NUDT4: variants seen among roughly 807,000 people sequenced by gnomAD.
NUDT4 encodes diphosphoinositol polyphosphate phosphohydrolase 2.
A neutral mutation model predicts 23.1 loss-of-function variants in NUDT4; 5 were observed. The observed-to-expected ratio is 0.22, with a 90% CI of 0.11 to 0.46. NUDT4 has a LOEUF of 0.46. Among genes scored for constraint, NUDT4 ranks in the 20% least tolerant of loss-of-function variants. The pLI, the probability that NUDT4 is intolerant of heterozygous loss-of-function variation, is 0.99. For missense variants in NUDT4, 96 were observed against 211.6 expected (o/e 0.45, Z 3.39); for synonymous variants, 50 against 79.0 (o/e 0.63, Z 1.95).
rs1482701162 is a variant in NUDT4 at position 93,402,668 on chromosome 12, AATAGT to A, written c.*3297_*3301del. 3.3e-5 allele frequency: 5 copies of A among 152,304 alleles called. No homozygotes were observed. The South Asian group carries it at 8.3e-4, about 25-fold the overall frequency. 9.4% of individuals were successfully genotyped at this position (152,304 alleles called of 1,614,324 possible). A position where few individuals can be genotyped will look rare whatever the true frequency, so the allele number is the denominator to read the frequency against. On this transcript the variant is annotated 3_prime_UTR_variant, in exon 5 of 5. Coordinates refer to ENST00000415493, the MANE Select transcript of NUDT4 (RefSeq NM_019094.6). ...TTTTCAGTCTCAATGTTGCCAGTCT[AATAGT>A]ATAGTATGTGGTTGCTTTACTGCTG...
Position 93,394,248 on chromosome 12 carries a change from C to T in NUDT4, c.100-361C>T, listed in dbSNP as rs190999763. On this transcript the variant is annotated intron_variant, in intron 1 of 4. Coordinates refer to ENST00000415493, the MANE Select transcript of NUDT4 (RefSeq NM_019094.6). ...CGATCTCCTGACCTCTTGATCCGCC[C>T]GCCTCGGCCTCCCAGAGTGCTGGGA... is the stretch of plus-strand genomic sequence containing the variant. Among the ~76,000 whole-genome samples the T allele has an allele frequency of 1.3e-4, 20 of 152,288 alleles. No homozygotes were observed. The South Asian group carries it at 1.5e-3, about 11-fold the overall frequency.
In NUDT4 at chr12:93,407,341, G is replaced by A. The variant is rs1253245338; in HGVS notation, c.*7962G>A. On this transcript the variant is annotated 3_prime_UTR_variant, in exon 5 of 5. Coordinates refer to ENST00000415493, the MANE Select transcript of NUDT4 (RefSeq NM_019094.6). ...GTCCCCCTTCCCCATTAGAGTATAT[G>A]GTCCCCAAAGGAAAGCCCCATGCCA... 6.6e-6 allele frequency: 1 copy of A among 152,170 alleles called. No homozygotes were observed. The highest frequency in any genetic ancestry group is 2.1e-4 in the South Asian group (1 of 4,830). 9.4% of individuals were successfully genotyped at this position (152,170 alleles called of 1,614,324 possible). A position where few individuals can be genotyped will look rare whatever the true frequency, so the allele number is the denominator to read the frequency against.
Position 93,406,379 on chromosome 12 carries a change from G to C in NUDT4, c.*7000G>C, listed in dbSNP as rs1235863411. ...CTCGATCCAATTTAGTTCCACTTAG[G>C]TCACTGTGTTTATAATGTCTTTTAG... On this transcript the variant is annotated 3_prime_UTR_variant, in exon 5 of 5. Transcript: ENST00000415493. 1.3e-5 allele frequency: 2 copies of C among 150,164 alleles called. No homozygotes were observed. Among genetic ancestry groups the C allele is most frequent in the Non-Finnish European group, 2.9e-5 (2 of 67,850 alleles). 9.3% of individuals were successfully genotyped at this position (150,164 alleles called of 1,614,324 possible). A position where few individuals can be genotyped will look rare whatever the true frequency, so the allele number is the denominator to read the frequency against.
rs118055498 is a variant in NUDT4, at chr12:93,392,253, C to T, written c.100-2356C>T. ...AAATATTCCTTTGTTTCCCCCCCCCCCTTTTTTTTTTCCTTTTTTTGAGAC... is the reference window on the plus strand; with the variant it reads ...AAATATTCCTTTGTTTCCCCCCCCCTCTTTTTTTTTTCCTTTTTTTGAGAC... On this transcript the variant is annotated intron_variant, in intron 1 of 4. Transcript: ENST00000415493. Among the ~76,000 whole-genome samples the T allele has an allele frequency of 2.2e-4, 31 of 137,806 alleles. 1 individual carries two copies. Among genetic ancestry groups the T allele is most frequent in the Middle Eastern group, 3.7e-3 (1 of 270 alleles). The allele number at this position is 137,806 out of a possible 152,430, so 90.4% of individuals were successfully genotyped here.
rs1877656499 is a variant in NUDT4 at position 93,404,064 on chromosome 12, G to A, written c.*4685G>A. On this transcript the variant is annotated 3_prime_UTR_variant, in exon 5 of 5. Transcript: ENST00000415493. The stretch of plus-strand genomic sequence containing the variant: ...ATATGTAGACTCCCACTCTCCTGAT[G>A]CTAATCAGTATCAGACAATGGAAGT... 6.6e-6 allele frequency: 1 copy of A among 152,164 alleles called. No homozygotes were observed. The highest frequency in any genetic ancestry group is 2.4e-5 in the African/African-American group (1 of 41,438). 9.4% of individuals were successfully genotyped at this position (152,164 alleles called of 1,614,324 possible). A position where few individuals can be genotyped will look rare whatever the true frequency, so the allele number is the denominator to read the frequency against.
In NUDT4 at chr12:93,402,661, C is replaced by G. The variant is rs1877544267; in HGVS notation, c.*3282C>G. 6.6e-6 allele frequency: 1 copy of G among 152,116 alleles called. No individual in the cohort carries two copies. Among genetic ancestry groups the G allele is most frequent in the Non-Finnish European group, 1.5e-5 (1 of 68,020 alleles). The allele number at this position is 152,116 out of a possible 1,614,324, so 9.4% of individuals were successfully genotyped here. A position where few individuals can be genotyped will look rare whatever the true frequency, so the allele number is the denominator to read the frequency against. ...ATGGATATTTTCAGTCTCAATGTTG[C>G]CAGTCTAATAGTATAGTATGTGGTT... On this transcript the variant is annotated 3_prime_UTR_variant, in exon 5 of 5. Transcript: ENST00000415493.
intron 1 of NUDT4, chr12:93,385,011 T>A (rs983880988): frequency 1.3e-5 from 2 of 152,182 alleles, no homozygotes; most frequent in Non-Finnish European, 2.9e-5. Context: ...GGTCTCTTAC[T>A]CCTGACCTCG....
chr12:93,378,802 A>C (rs1478874363), intron 1 of NUDT4: 20 of 1,000,688 alleles, frequency 2.0e-5, no homozygotes, highest in Non-Finnish European at 2.1e-5. Context: ...TGAGTGTTGC[A>C]GCAGAGCCCT....
rs527903015 is a variant in NUDT4, at chr12:93,393,930, T to G, written c.100-679T>G. 2.0e-5 allele frequency among the ~76,000 whole-genome samples: 3 copies of G among 152,348 alleles called. No individual in the cohort carries two copies. The South Asian group carries it at 6.2e-4, about 32-fold the overall frequency. The stretch of plus-strand genomic sequence containing the variant: ...CCTACCTATGGTCATTTCCTTAAAT[T>G]TGGAATATTCCATAACTAAATAAAC... On this transcript the variant is annotated intron_variant, in intron 1 of 4. Transcript: ENST00000415493.
At chr12:93,379,564 A>G (rs938247034) in intron 1 of NUDT4, among the ~76,000 whole-genome samples, 3 of 151,648 alleles carry the variant, frequency 2.0e-5, no homozygotes, top group Middle Eastern at 6.8e-3. Context: ...TTGCCCTTCA[A>G]ACCCTTGTTT....
chr12:93,404,923 A>ATTTT lies in NUDT4; in HGVS notation c.*5544_*5545insTTTT, dbSNP rs1877722513. On this transcript the variant is annotated 3_prime_UTR_variant, in exon 5 of 5. Transcript: ENST00000415493. ...ATGTTTTAGGTTTTTTTTTTTTTAA[A>ATTTT]AAAAATACTATGCCCATTTGTTTAC... 1.4e-5 allele frequency: 2 copies of ATTTT among 140,970 alleles called. No individual in the cohort carries two copies. Among genetic ancestry groups the ATTTT allele is most frequent in the African/African-American group, 5.2e-5 (2 of 38,690 alleles). The allele number at this position is 140,970 out of a possible 1,614,324, so 8.7% of individuals were successfully genotyped here. A position where few individuals can be genotyped will look rare whatever the true frequency, so the allele number is the denominator to read the frequency against.
At position 93,404,404 on chromosome 12, in the gene NUDT4, C is replaced by A. The variant is rs1033669975; in HGVS notation, c.*5025C>A. On this transcript the variant is annotated 3_prime_UTR_variant, in exon 5 of 5. Transcript: ENST00000415493. ...CTGAGTGGAAACTGATACAGCCTGT[C>A]GGAGAGCTACTGAGTAGTATTTTAT... The A allele has an allele frequency of 6.6e-6, 1 of 152,196 alleles. No homozygotes were observed. The highest frequency in any genetic ancestry group is 2.4e-5 in the African/African-American group (1 of 41,450). The allele number at this position is 152,196 out of a possible 1,614,324, so 9.4% of individuals were successfully genotyped here. A position where few individuals can be genotyped will look rare whatever the true frequency, so the allele number is the denominator to read the frequency against.
intron 1 of NUDT4, among the ~76,000 whole-genome samples, chr12:93,383,126 G>GA (rs1366909894): frequency 2.7e-5 from 4 of 145,536 alleles, no homozygotes; most frequent in African/African-American, 1.0e-4. Flanking sequence ...TTCTCTAATT[G>GA]AAAAAAAGCT....
At position 93,394,721 on chromosome 12, in the gene NUDT4, T is replaced by C; in HGVS notation, c.210+2T>C. On this transcript the variant is annotated splice_donor_variant, in intron 2 of 4. Coordinates refer to ENST00000415493, the MANE Select transcript of NUDT4 (RefSeq NM_019094.6). LOFTEE classifies it high-confidence loss of function. ...GCCGTGAGGGAAGTTTATGAGGAGG[T>C]GAGATGTTCTTTCACACAAATTCTG... 2 of 1,525,234 alleles carry C rather than the reference T, an allele frequency of 1.3e-6. No homozygotes were observed. Among genetic ancestry groups the C allele is most frequent in the South Asian group, 1.2e-5 (1 of 83,556 alleles). 94.5% of individuals were successfully genotyped at this position (1,525,234 alleles called of 1,614,324 possible). A position where few individuals can be genotyped will look rare whatever the true frequency, so the allele number is the denominator to read the frequency against.
At chr12:93,383,789 G>GCCACTGCACTCCAGCCTGGGCGACAGAGC (rs1875865243) in intron 1 of NUDT4, among the ~76,000 whole-genome samples, 1 of 152,150 alleles carries the variant, frequency 6.6e-6, no homozygotes, top group Admixed American at 6.5e-5. Flanking sequence ...CTGAGATTGC[G>GCCACTGCACTCCAGCCTGGGCGACAGAGC]CCACTGCACT....
chr12:93,399,923 AG>A lies in NUDT4; in HGVS notation c.*547del, dbSNP rs1323460463. ...ATGATCCAATAACTTATTTTGTCAC[AG>A]GGCTTAATTTGCCATTTTTGGGGAT... On this transcript the variant is annotated 3_prime_UTR_variant, in exon 5 of 5. Coordinates refer to ENST00000415493, the MANE Select transcript of NUDT4 (RefSeq NM_019094.6). 3 of 146,654 alleles carry A rather than the reference AG, an allele frequency of 2.0e-5. No individual in the cohort carries two copies. Among genetic ancestry groups the A allele is most frequent in the Non-Finnish European group, 4.5e-5 (3 of 66,546 alleles). The allele number at this position is 146,654 out of a possible 1,614,324, so 9.1% of individuals were successfully genotyped here.
rs1877643098 is a variant in NUDT4 at position 93,403,891 on chromosome 12, A to T, written c.*4512A>T. On this transcript the variant is annotated 3_prime_UTR_variant, in exon 5 of 5. Transcript: ENST00000415493. ...GGCCTATCTTAGCAAGCAAGACATTATAGCAAAGACCTAAACACTCAAAGG... is the reference window on the plus strand; with the variant it reads ...GGCCTATCTTAGCAAGCAAGACATTTTAGCAAAGACCTAAACACTCAAAGG... The T allele has an allele frequency of 6.6e-6, 1 of 152,238 alleles. No homozygotes were observed. The highest frequency in any genetic ancestry group is 1.5e-5 in the Non-Finnish European group (1 of 68,042). The allele number at this position is 152,238 out of a possible 1,614,324, so 9.4% of individuals were successfully genotyped here.
At position 93,394,592 on chromosome 12, in the gene NUDT4, T is replaced by TA. The variant is rs1262706756; in HGVS notation, c.100-16dup. The TA allele has an allele frequency of 6.8e-7, 1 of 1,470,772 alleles. No homozygotes were observed. The highest frequency in any genetic ancestry group is 9.3e-7 in the Non-Finnish European group (1 of 1,073,642). 91.1% of individuals were successfully genotyped at this position (1,470,772 alleles called of 1,614,324 possible). A position where few individuals can be genotyped will look rare whatever the true frequency, so the allele number is the denominator to read the frequency against. On this transcript the variant is annotated splice_polypyrimidine_tract_variant and intron_variant, in intron 1 of 4. Transcript: ENST00000415493. The stretch of plus-strand genomic sequence containing the variant: ...GCTTCTCAGGCTGGAAGTATACAGT[T>TA]ATGGTTCACCTTACAGGTGCTGCTG...
rs527817846 is a variant in NUDT4, at chr12:93,392,977, G to A, written c.100-1632G>A. ...ATTACAGGCATGAGCCACTGCGCCC[G>A]GCCAGATATTCATTTAAAAGATGGG... On this transcript the variant is annotated intron_variant, in intron 1 of 4. Transcript: ENST00000415493. Among the ~76,000 whole-genome samples, 8 of 139,416 alleles carry A rather than the reference G, an allele frequency of 5.7e-5. No individual in the cohort carries two copies. The South Asian group carries it at 1.9e-3, about 33-fold the overall frequency. The allele number at this position is 139,416 out of a possible 152,430, so 91.5% of individuals were successfully genotyped here.
Sources: allele counts gnomAD v4.1 joint callset (sites outside exome capture counted in the v4.1 genomes callset), GRCh38; gene constraint gnomAD v4.1.1; transcripts MANE v1.5; gene names NCBI Gene and HGNC (gene_info 2026-07-23, HGNC 2026-07-21).